RAPGEF6: variants seen among roughly 807,000 people sequenced by gnomAD.
RAPGEF6 encodes PDZ domain containing guanine nucleotide exchange factor (GEF) 2.
In RAPGEF6, 56 loss-of-function variants were observed where a neutral mutation model predicts 171.4. The observed-to-expected ratio is 0.33, with a 90% confidence interval of 0.26 to 0.41. The LOEUF is 0.41. Among genes scored for constraint, RAPGEF6 ranks in the 10% least tolerant of loss-of-function variants. The pLI is 1.00. For missense variants in RAPGEF6, 1,674 were observed against 1,921.4 expected, an observed-to-expected ratio of 0.87 and a Z score of 2.41; for synonymous variants, 692 against 650.1, an observed-to-expected ratio of 1.06 and a Z score of -0.98.
chr5:131,543,940 T>C (rs1408631770), intron 6 of RAPGEF6, among the ~76,000 whole-genome samples: 1 of 152,122 alleles, frequency 6.6e-6, no homozygotes, highest in Non-Finnish European at 1.5e-5. Context: ...AAGTGACTAA[T>C]AAGTACATGA....
chr5:131,570,673 GA>G (rs1762223741), intron 4 of RAPGEF6, among the ~76,000 whole-genome samples: 1 of 151,890 alleles, frequency 6.6e-6, no homozygotes, highest in African/African-American at 2.4e-5. Context: ...TATGCTAAAT[GA>G]AAAAAACTAG....
chr5:131,451,657 G>A (rs1753083358), intron 21 of RAPGEF6, among the ~76,000 whole-genome samples: 1 of 152,086 alleles, frequency 6.6e-6, no homozygotes, highest in Non-Finnish European at 1.5e-5. Flanking sequence ...TGTATCACTG[G>A]TTCTATTGGG....
chr5:131,585,787 T>C (rs1296401935), intron 4 of RAPGEF6, among the ~76,000 whole-genome samples: 2 of 152,002 alleles, frequency 1.3e-5, no homozygotes, highest in East Asian at 1.9e-4. Context: ...GATCGCGCCA[T>C]TGCACCCCAG....
intron 6 of RAPGEF6, among the ~76,000 whole-genome samples, chr5:131,524,213 T>A (rs1461483581): frequency 1.3e-5 from 2 of 152,016 alleles, no homozygotes; most frequent in Non-Finnish European, 2.9e-5. Flanking sequence ...AAATGGGAAA[T>A]GTGTGGGTAA....
At chr5:131,528,499 T>C (rs1167163502) in intron 6 of RAPGEF6, among the ~76,000 whole-genome samples, 3 of 151,194 alleles carry the variant, frequency 2.0e-5, no homozygotes, top group African/African-American at 7.3e-5. Context: ...GGAACATTCC[T>C]AACTCATTAT....
chr5:131,479,935 T>C (rs1755357525), intron 15 of RAPGEF6, among the ~76,000 whole-genome samples, 182 bp from the exon 16 acceptor site: 1 of 152,158 alleles, frequency 6.6e-6, no homozygotes, highest in Admixed American at 6.5e-5. Context: ...CTTTCTTTAG[T>C]TTTTATACCT....
chr5:131,562,391 T>C (rs764889557), intron 4 of RAPGEF6, among the ~76,000 whole-genome samples: 1 of 152,036 alleles, frequency 6.6e-6, no homozygotes, highest in Non-Finnish European at 1.5e-5. Context: ...TTAGTAAAAA[T>C]CTAATAAAAG....
intron 10 of RAPGEF6, 82 bp from the exon 11 acceptor site, chr5:131,504,860 T>C: frequency 1.6e-6 from 2 of 1,274,234 alleles, no homozygotes; most frequent in African/African-American, 1.5e-5. Flanking sequence ...AGCACAAAGG[T>C]AAGAAATCTA....
At chr5:131,441,413 T>C (rs965780295) in intron 23 of RAPGEF6, among the ~76,000 whole-genome samples, 4 of 152,244 alleles carry the variant, frequency 2.6e-5, no homozygotes, top group African/African-American at 9.6e-5. Flanking sequence ...TTGTAGTTTC[T>C]TGCACATACC....
chr5:131,566,483 G>T, intron 4 of RAPGEF6, among the ~76,000 whole-genome samples: 1 of 152,012 alleles, frequency 6.6e-6, no homozygotes, highest in African/African-American at 2.4e-5. Flanking sequence ...TCTGTTTTCT[G>T]TTATTCTGTT....
intron 1 of RAPGEF6, among the ~76,000 whole-genome samples, chr5:131,610,305 C>A (rs1050120615): frequency 2.6e-5 from 4 of 152,132 alleles, no homozygotes; most frequent in Admixed American, 6.5e-5. Context: ...TCTTGCCAGG[C>A]AACAGTACAA....
chr5:131,472,416 G>C (rs1017258757), intron 17 of RAPGEF6, 171 bp downstream of exon 17: 1 of 791,798 alleles, frequency 1.3e-6, no homozygotes, highest in Non-Finnish European at 2.1e-6. Context: ...TTTAGAGGAA[G>C]TACCATTCAA....
intron 23 of RAPGEF6, among the ~76,000 whole-genome samples, chr5:131,440,572 T>C (rs1752316655): frequency 6.6e-6 from 1 of 151,318 alleles, no homozygotes; most frequent in Non-Finnish European, 1.5e-5. Context: ...ACCCCATCTC[T>C]ACTAAAAATA....
intron 1 of RAPGEF6, among the ~76,000 whole-genome samples, chr5:131,615,847 G>C (rs1765231152): frequency 6.6e-6 from 1 of 151,908 alleles, no homozygotes. Flanking sequence ...GCTGCAGTGA[G>C]CGGAGATCAC....
chr5:131,633,435 G>A (rs2149494727), intron 1 of RAPGEF6, among the ~76,000 whole-genome samples: 1 of 151,966 alleles, frequency 6.6e-6, no homozygotes, highest in Non-Finnish European at 1.5e-5. Context: ...AAGTAATGTT[G>A]AAAATTAAAA....
At chr5:131,584,825 T>A (rs1034937533) in intron 4 of RAPGEF6, among the ~76,000 whole-genome samples, 2 of 152,176 alleles carry the variant, frequency 1.3e-5, no homozygotes, top group African/African-American at 4.8e-5. Context: ...TGAATTTGAG[T>A]AATAACTCCA....
At chr5:131,548,431 T>A (rs1474863290) in intron 5 of RAPGEF6, among the ~76,000 whole-genome samples, 1 of 152,152 alleles carries the variant, frequency 6.6e-6, no homozygotes, top group Non-Finnish European at 1.5e-5. Flanking sequence ...TAAACATACA[T>A]CCTCTAAGTA....
intron 24 of RAPGEF6, among the ~76,000 whole-genome samples, chr5:131,434,303 C>T (rs1283432883): frequency 7.2e-5 from 11 of 152,236 alleles, no homozygotes; most frequent in Admixed American, 7.2e-4. Context: ...AGTGCAATGG[C>T]ACGATCATAG....
At position 131,464,271 on chromosome 5, in the gene RAPGEF6, A is replaced by T; in HGVS notation, c.2250T>A (p.Asp750Glu). The change falls in exon 18 of 28, where the codon GAT (aspartate) becomes GAA (glutamate). Residue 750 changes from aspartate to glutamate, a missense_variant. Transcript: ENST00000509018. ...LDFSNPSDIPDQVIRVFKVDQ... is the reference protein window; with the variant it reads ...LDFSNPSDIPEQVIRVFKVDQ... The stretch of plus-strand genomic sequence containing the variant: ...CCACTTTGAAAACTCTTATAACTTG[A>T]TCAGGGATATCTACATAAATAGAAA... 6.2e-7 allele frequency: 1 copy of T among 1,610,346 alleles called. No homozygotes were observed. The highest frequency in any genetic ancestry group is 8.5e-7 in the Non-Finnish European group (1 of 1,177,110).
Sources: allele counts gnomAD v4.1 joint callset (sites outside exome capture counted in the v4.1 genomes callset), GRCh38; gene constraint gnomAD v4.1.1; transcripts MANE v1.5; gene names NCBI Gene and HGNC (gene_info 2026-07-23, HGNC 2026-07-21).